The following ZNF385B variants were observed in gnomAD, a reference collection of about 807,000 sequenced individuals.
The protein encoded by ZNF385B is zinc finger protein 533.
In ZNF385B, 23 loss-of-function variants were observed where a neutral mutation model predicts 39.2. That is an observed-to-expected ratio of 0.59 (90% CI 0.42 to 0.83). ZNF385B has a LOEUF of 0.83. ZNF385B is among the 40% of genes least tolerant of loss of function. The probability of loss-of-function intolerance (pLI) is 0.00; values close to 1 mark genes in which losing one functional copy is unlikely to be tolerated. For missense variants in ZNF385B, 552 were observed against 598.9 expected (o/e 0.92, Z 0.82); for synonymous variants, 205 against 222.6 (o/e 0.92, Z 0.70).
chr2:179,446,521 T>C lies in ZNF385B; in HGVS notation c.961+4A>G. On this transcript the variant is annotated splice_donor_region_variant and intron_variant, in intron 7 of 9. Transcript: ENST00000410066. ...TTATTTAAATGCAAAAGATAGCTGC[T>C]AACCTGTGTTGTGTGCCTCTAGCTG... is the stretch of plus-strand genomic sequence containing the variant. The C allele has an allele frequency of 6.2e-7, 1 of 1,609,704 alleles. No individual in the cohort carries two copies. The highest frequency in any genetic ancestry group is 8.5e-7 in the Non-Finnish European group (1 of 1,178,186).
At chr2:179,448,086 G>A (rs559920101) in intron 6 of ZNF385B, among the ~76,000 whole-genome samples, 68 of 151,792 alleles carry the variant, frequency 4.5e-4, no homozygotes, top group Non-Finnish European at 6.6e-4. Flanking sequence ...TGAATACTGA[G>A]ATTCTTTTTT....
intron 4 of ZNF385B, among the ~76,000 whole-genome samples, chr2:179,537,139 T>C (rs2059615886): frequency 6.6e-6 from 1 of 151,442 alleles, no homozygotes; most frequent in Non-Finnish European, 1.5e-5. Flanking sequence ...GGAGAAACCC[T>C]GTCTCTACTA....
intron 3 of ZNF385B, among the ~76,000 whole-genome samples, chr2:179,575,289 G>C (rs1223172876): frequency 6.6e-6 from 1 of 152,056 alleles, no homozygotes; most frequent in Admixed American, 6.6e-5. Context: ...AAGAGAGTCA[G>C]TGCCAAAAAG....
chr2:179,632,708 G>A (rs2106194835), intron 3 of ZNF385B, among the ~76,000 whole-genome samples: 1 of 152,236 alleles, frequency 6.6e-6, no homozygotes, highest in Non-Finnish European at 1.5e-5. Flanking sequence ...GATCAGAGCA[G>A]AACTGAAAGA....
At chr2:179,734,883 A>C (rs1175393158) in intron 3 of ZNF385B, among the ~76,000 whole-genome samples, 1 of 152,228 alleles carries the variant, frequency 6.6e-6, no homozygotes, top group Non-Finnish European at 1.5e-5. Context: ...AATCAATTCA[A>C]GATGGATTAA....
At chr2:179,696,262 A>G (rs540442343) in intron 3 of ZNF385B, among the ~76,000 whole-genome samples, 1 of 148,088 alleles carries the variant, frequency 6.8e-6, no homozygotes, top group South Asian at 2.1e-4. Context: ...CACATACATT[A>G]TATTTCACTA....
chr2:179,554,821 A>T (rs1270550329), intron 3 of ZNF385B, among the ~76,000 whole-genome samples: 1 of 149,412 alleles, frequency 6.7e-6, no homozygotes, highest in South Asian at 2.1e-4. Flanking sequence ...ATCCACAAGA[A>T]TGGTTCAATT....
intron 1 of ZNF385B, among the ~76,000 whole-genome samples, chr2:179,821,202 T>C (rs59777414): frequency 0.094 from 14,290 of 152,264 alleles, 753 homozygotes; most frequent in African/African-American, 0.13. Context: ...CCTGTTGCCA[T>C]GCCCTCCTCT....
At chr2:179,822,519 T>C (rs1707458949) in intron 1 of ZNF385B, among the ~76,000 whole-genome samples, 1 of 152,164 alleles carries the variant, frequency 6.6e-6, no homozygotes, top group Non-Finnish European at 1.5e-5. Flanking sequence ...CAGAGTCTGA[T>C]GGAGTCCTGC....
chr2:179,721,994 A>T (rs1013163966), intron 3 of ZNF385B, among the ~76,000 whole-genome samples: 6 of 152,136 alleles, frequency 3.9e-5, no homozygotes, highest in Non-Finnish European at 8.8e-5. Flanking sequence ...GATAAATATT[A>T]GAATTATTGG....
At chr2:179,701,905 C>T (rs561045399) in intron 3 of ZNF385B, among the ~76,000 whole-genome samples, 1 of 152,268 alleles carries the variant, frequency 6.6e-6, no homozygotes, top group African/African-American at 2.4e-5. Context: ...AAGGAATGGG[C>T]ACCAATCCAA....
chr2:179,453,757 T>C (rs372438080), intron 6 of ZNF385B, among the ~76,000 whole-genome samples: 1 of 152,160 alleles, frequency 6.6e-6, no homozygotes, highest in Non-Finnish European at 1.5e-5. Context: ...GTAAGAAGTC[T>C]GATCACTAGG....
At chr2:179,837,645 G>T (rs1471185739) in intron 1 of ZNF385B, among the ~76,000 whole-genome samples, 1 of 152,132 alleles carries the variant, frequency 6.6e-6, no homozygotes, top group Non-Finnish European at 1.5e-5. Flanking sequence ...TCATCTAAAA[G>T]GTATTTTGAG....
At chr2:179,760,284 C>T (rs373553342) in intron 3 of ZNF385B, among the ~76,000 whole-genome samples, 1 of 150,518 alleles carries the variant, frequency 6.6e-6, no homozygotes, top group South Asian at 2.1e-4. Flanking sequence ...CATGTATCCC[C>T]CACCAGGGAT....
At chr2:179,458,539 T>C (rs1019449802) in intron 6 of ZNF385B, among the ~76,000 whole-genome samples, 12 of 152,200 alleles carry the variant, frequency 7.9e-5, no homozygotes, top group African/African-American at 2.9e-4. Context: ...TCTTTAATGG[T>C]TGTGTAGCAG....
At chr2:179,634,169 A>C (rs1040042238) in intron 3 of ZNF385B, among the ~76,000 whole-genome samples, 2 of 152,160 alleles carry the variant, frequency 1.3e-5, no homozygotes, top group African/African-American at 2.4e-5. Context: ...CATGACTAAA[A>C]CACCAAAAGC....
chr2:179,745,934 T>C, intron 3 of ZNF385B: 1 of 1,236,092 alleles, frequency 8.1e-7, no homozygotes, highest in Non-Finnish European at 1.0e-6. Flanking sequence ...GAAAATCCTT[T>C]ACATGCTGGC....
intron 3 of ZNF385B, among the ~76,000 whole-genome samples, chr2:179,633,739 A>T (rs1691460828): frequency 6.6e-6 from 1 of 152,196 alleles, no homozygotes; most frequent in African/African-American, 2.4e-5. Context: ...AGGGTATTCA[A>T]TTAGGAAAAG....
At chr2:179,563,588 T>C (rs1365353639) in intron 3 of ZNF385B, among the ~76,000 whole-genome samples, 1 of 152,178 alleles carries the variant, frequency 6.6e-6, no homozygotes, top group African/African-American at 2.4e-5. Flanking sequence ...AAGTGAATAA[T>C]TAGATGCAGC....
Sources: allele counts gnomAD v4.1 joint callset (sites outside exome capture counted in the v4.1 genomes callset), GRCh38; gene constraint gnomAD v4.1.1; transcripts MANE v1.5; gene names NCBI Gene and HGNC (gene_info 2026-07-23, HGNC 2026-07-21).